Variants in PCDHA6 observed in about 807,000 individuals in gnomAD.
The protein encoded by PCDHA6 is protocadherin alpha 6.
In PCDHA6, 55 loss-of-function variants were observed where a neutral mutation model predicts 60.3. The ratio of observed to expected loss-of-function variants is 0.91; its 90% CI spans 0.73 to 1.14. The LOEUF (loss-of-function observed/expected upper bound fraction) is 1.14, where lower values mean the gene tolerates loss of function less well. Among genes scored for constraint, PCDHA6 ranks in the 50% most tolerant of loss-of-function variants. The pLI is 0.00. For missense variants in PCDHA6, 1,327 were observed against 1,256.5 expected (o/e 1.06, Z -0.85); for synonymous variants, 652 against 557.9 (o/e 1.17, Z -2.38).
intron 1 of PCDHA6, among the ~76,000 whole-genome samples, chr5:140,898,180 G>T (rs1216288813): frequency 6.6e-6 from 1 of 152,128 alleles, no homozygotes; most frequent in Non-Finnish European, 1.5e-5. Context: ...CTGTGCAGAA[G>T]CTCTTTAGTT....
chr5:140,851,715 G>C, intron 1 of PCDHA6: 1 of 964,012 alleles, frequency 1.0e-6, no homozygotes, highest in Non-Finnish European at 1.3e-6. Context: ...GTGAAGATTC[G>C]AAACTTCGAG....
At chr5:141,002,342 C>A (rs1047277199) in intron 3 of PCDHA6, among the ~76,000 whole-genome samples, 3 of 152,070 alleles carry the variant, frequency 2.0e-5, no homozygotes, top group African/African-American at 4.8e-5. Flanking sequence ...CGCACCCCTT[C>A]CCCCACCTCC....
At chr5:140,983,517 G>A (rs1475712929) in intron 3 of PCDHA6, among the ~76,000 whole-genome samples, 2 of 152,196 alleles carry the variant, frequency 1.3e-5, no homozygotes, top group African/African-American at 4.8e-5. Flanking sequence ...TAGACACTGT[G>A]CCAAGTACAT....
chr5:140,850,705 C>T, intron 1 of PCDHA6: 1 of 1,597,920 alleles, frequency 6.3e-7, no homozygotes, highest in South Asian at 1.1e-5. Context: ...CCTGGCAAGC[C>T]GACGCTGGTG....
At position 141,010,166 on chromosome 5, in the gene PCDHA6, A is replaced by T; in HGVS notation, c.*229A>T. 1 of 1,562,828 alleles carries T rather than the reference A, an allele frequency of 6.4e-7. No individual in the cohort carries two copies. On this transcript the variant is annotated 3_prime_UTR_variant, in exon 4 of 4. Coordinates refer to ENST00000529310, the MANE Select transcript of PCDHA6 (RefSeq NM_018909.4). ...TCTCTCCACTCTGGCTTGTTTTCAG[A>T]ACCTAAAAAGCAGACCCAAGTTTCC... is the stretch of plus-strand genomic sequence containing the variant.
chr5:140,875,432 T>C (rs1268206649), intron 1 of PCDHA6: 3 of 1,559,782 alleles, frequency 1.9e-6, no homozygotes, highest in Non-Finnish European at 2.6e-6. Flanking sequence ...AGCGATCCCT[T>C]AAAACTGATT....
chr5:140,843,857 A>C, intron 1 of PCDHA6: 1 of 940,372 alleles, frequency 1.1e-6, no homozygotes, highest in Non-Finnish European at 1.6e-6. Context: ...TTTTATAATT[A>C]ATTGAATTTT....
chr5:140,836,101 C>T, intron 1 of PCDHA6: 17 of 1,613,712 alleles, frequency 1.1e-5, no homozygotes, highest in Non-Finnish European at 1.4e-5. Context: ...GTGGGTGGCA[C>T]TGGTGGCGCA....
intron 1 of PCDHA6, chr5:140,875,904 A>G: frequency 1.9e-6 from 3 of 1,614,194 alleles, no homozygotes; most frequent in Non-Finnish European, 2.5e-6. Context: ...CTGTTTCTGA[A>G]TCTGCGCCTC....
intron 1 of PCDHA6, among the ~76,000 whole-genome samples, chr5:140,891,303 T>C (rs1007949282): frequency 6.6e-6 from 1 of 152,178 alleles, no homozygotes; most frequent in Non-Finnish European, 1.5e-5. Flanking sequence ...GGTATTTGAT[T>C]ACATGAGTAA....
intron 1 of PCDHA6, chr5:140,884,453 G>A (rs2060182161): frequency 2.5e-6 from 4 of 1,613,658 alleles, no homozygotes; most frequent in Admixed American, 1.7e-5. Flanking sequence ...ACCGCCCACC[G>A]AGGGCGCGTG....
intron 1 of PCDHA6, chr5:140,877,376 G>A: frequency 6.2e-7 from 1 of 1,614,014 alleles, no homozygotes; most frequent in Non-Finnish European, 8.5e-7. Context: ...AGCACGACAC[G>A]CATCCTGGAT....
chr5:140,835,734 A>T lies in PCDHA6; in HGVS notation c.2394+5249A>T, dbSNP rs1554135223. 1.9e-6 allele frequency: 3 copies of T among 1,613,614 alleles called. No individual in the cohort carries two copies. In the African/African-American group the frequency reaches 4.0e-5, roughly 22 times the overall value. On this transcript the variant is annotated intron_variant, in intron 1 of 3. Coordinates refer to ENST00000529310, the MANE Select transcript of PCDHA6 (RefSeq NM_018909.4). ...CGTGGAGGTGGCCGACGTGAACGAC[A>T]ACGCCCCGGCGTTCGCGCAGCCCGA... is the stretch of plus-strand genomic sequence containing the variant.
rs1401604778 is a variant in PCDHA6, at chr5:140,834,718, G to A, written c.2394+4233G>A. On this transcript the variant is annotated intron_variant, in intron 1 of 3. Coordinates refer to ENST00000529310, the MANE Select transcript of PCDHA6 (RefSeq NM_018909.4). ...ATCCACCTGGAGGTGATCGTGGAAA[G>A]GCCGCTGCAGGTTTTCCATGTGGAC... 9 of 1,614,148 alleles carry A rather than the reference G, an allele frequency of 5.6e-6. No homozygotes were observed. Among genetic ancestry groups the A allele is most frequent in the Middle Eastern group, 1.6e-4 (1 of 6,084 alleles).
Position 140,847,574 on chromosome 5 carries a change from G to T in PCDHA6, c.2394+17089G>T, listed in dbSNP as rs1038933297. 2 of 149,278 alleles carry T rather than the reference G, an allele frequency of 1.3e-5. 1 individual carries two copies. The highest frequency in any genetic ancestry group is 3.0e-5 in the Non-Finnish European group (2 of 66,762). The allele number at this position is 149,278 out of a possible 1,614,324, so 9.2% of individuals were successfully genotyped here. On this transcript the variant is annotated intron_variant, in intron 1 of 3. Coordinates refer to ENST00000529310, the MANE Select transcript of PCDHA6 (RefSeq NM_018909.4). The stretch of plus-strand genomic sequence containing the variant: ...AACAGAAATTGCCCCGAGTACTAAG[G>T]ATGAGCAATAATGAAATTAAAACAT...
chr5:140,839,096 G>T (rs1372259471), intron 1 of PCDHA6, among the ~76,000 whole-genome samples: 2 of 151,884 alleles, frequency 1.3e-5, no homozygotes, highest in Admixed American at 6.6e-5. Context: ...ATAATCAATA[G>T]AATTATTTAC....
intron 1 of PCDHA6, among the ~76,000 whole-genome samples, chr5:140,915,981 C>T (rs11167655): frequency 0.33 from 49,706 of 151,966 alleles, 8,424 homozygotes; most frequent in East Asian, 0.53. Flanking sequence ...TATTTGACTA[C>T]GGCTAAGCTG....
At chr5:140,967,291 C>T (rs782682819) in intron 1 of PCDHA6, 11 of 1,612,754 alleles carry the variant, frequency 6.8e-6, no homozygotes, top group South Asian at 1.1e-5. Context: ...CGCAGGACCC[C>T]GACGTGGGCG....
chr5:140,862,679 TG>T, intron 1 of PCDHA6: 1 of 551,310 alleles, frequency 1.8e-6, no homozygotes, highest in Non-Finnish European at 3.6e-6. Flanking sequence ...GAGAACGTGC[TG>T]GTGTCCTACT....
Sources: allele counts gnomAD v4.1 joint callset (sites outside exome capture counted in the v4.1 genomes callset), GRCh38; gene constraint gnomAD v4.1.1; transcripts MANE v1.5; gene names NCBI Gene and HGNC (gene_info 2026-07-23, HGNC 2026-07-21).